PLCB1: variants seen among roughly 807,000 people sequenced by gnomAD.
PLCB1 encodes phospholipase C beta 1, also known as 1-phosphatidylinositol 4,5-bisphosphate phosphodiesterase beta-1.
Under a neutral mutation model 161.8 loss-of-function variants are expected in PLCB1, and 46 were observed. The observed-to-expected ratio is 0.28, with a 90% CI of 0.22 to 0.36. PLCB1 has a LOEUF of 0.36. Ranked by LOEUF, PLCB1 falls within the 10% of genes least tolerant of loss-of-function variation. The pLI, the probability that PLCB1 is intolerant of heterozygous loss-of-function variation, is 1.00. For missense variants in PLCB1, 1,016 were observed against 1,472.5 expected, an observed-to-expected ratio of 0.69 and a Z score of 5.07; for synonymous variants, 517 against 503.7, an observed-to-expected ratio of 1.03 and a Z score of -0.35.
intron 3 of PLCB1, among the ~76,000 whole-genome samples, chr20:8,554,995 A>AT (rs886859541): frequency 5.9e-5 from 9 of 152,020 alleles, no homozygotes; most frequent in African/African-American, 2.2e-4. Context: ...TAAAATAAAG[A>AT]TTTTTTTGGG....
chr20:8,206,808 T>C (rs560219342), intron 2 of PLCB1, among the ~76,000 whole-genome samples: 1 of 152,142 alleles, frequency 6.6e-6, no homozygotes, highest in South Asian at 2.1e-4. Context: ...GTCATTATAG[T>C]ATTTTCAGGA....
chr20:8,643,779 T>TCTCCCTCTCCCTCTC (rs1600220170), intron 4 of PLCB1, among the ~76,000 whole-genome samples: 4 of 54,884 alleles, frequency 7.3e-5, no homozygotes, highest in Non-Finnish European at 1.2e-4. Context: ...CTCTCCCTCT[T>TCTCCCTCTCCCTCTC]TCTCCCTCTC....
chr20:8,329,362 C>A (rs1034127960), intron 2 of PLCB1, among the ~76,000 whole-genome samples: 2 of 150,704 alleles, frequency 1.3e-5, no homozygotes, highest in Admixed American at 1.3e-4. Context: ...CTGTGTCACC[C>A]AGTCTGGAGT....
intron 2 of PLCB1, among the ~76,000 whole-genome samples, chr20:8,243,204 C>T (rs1009242619): frequency 1.3e-5 from 2 of 151,976 alleles, no homozygotes; most frequent in African/African-American, 4.8e-5. Flanking sequence ...AGGGAAAACT[C>T]TAGAAGCAAG....
chr20:8,540,931 C>T (rs1212096433), intron 3 of PLCB1, among the ~76,000 whole-genome samples: 2 of 151,982 alleles, frequency 1.3e-5, no homozygotes, highest in African/African-American at 4.8e-5. Flanking sequence ...CTAATTTTTC[C>T]ACTGCTATGC....
intron 2 of PLCB1, among the ~76,000 whole-genome samples, chr20:8,151,180 T>A (rs543832611): frequency 7.0e-4 from 107 of 152,318 alleles, no homozygotes; most frequent in African/African-American, 2.4e-3. Context: ...TAGGGTTTAC[T>A]GAGAATGCTA....
At chr20:8,447,655 A>G (rs563363207) in intron 3 of PLCB1, among the ~76,000 whole-genome samples, 3 of 152,284 alleles carry the variant, frequency 2.0e-5, no homozygotes, top group Admixed American at 2.0e-4. Context: ...AGAGGAATAT[A>G]ATTTGGTCCA....
chr20:8,408,764 C>G (rs1201426537), intron 3 of PLCB1, among the ~76,000 whole-genome samples: 2 of 152,188 alleles, frequency 1.3e-5, no homozygotes, highest in African/African-American at 4.8e-5. Context: ...AGCTGTGCCA[C>G]TGCCCAGCTG....
At chr20:8,260,636 A>C (rs1397040555) in intron 2 of PLCB1, among the ~76,000 whole-genome samples, 2 of 152,128 alleles carry the variant, frequency 1.3e-5, no homozygotes, top group African/African-American at 4.8e-5. Flanking sequence ...ATCCTAGCTT[A>C]GATAAGCTAG....
At chr20:8,203,684 T>C (rs1978366176) in intron 2 of PLCB1, among the ~76,000 whole-genome samples, 1 of 152,146 alleles carries the variant, frequency 6.6e-6, no homozygotes, top group African/African-American at 2.4e-5. Context: ...TCTATTGTCT[T>C]GCTGAAGAAT....
chr20:8,844,605 G>C (rs1986623141), intron 31 of PLCB1, among the ~76,000 whole-genome samples: 1 of 151,940 alleles, frequency 6.6e-6, no homozygotes, highest in South Asian at 2.1e-4. Flanking sequence ...GGAGGGGAAA[G>C]GTGTGGTGCC....
intron 2 of PLCB1, among the ~76,000 whole-genome samples, chr20:8,341,499 C>T (rs111843288): frequency 2.6e-5 from 4 of 152,226 alleles, no homozygotes; most frequent in Non-Finnish European, 2.9e-5. Flanking sequence ...TCTGGGACAC[C>T]GGATTTGCTG....
intron 20 of PLCB1, among the ~76,000 whole-genome samples, chr20:8,738,008 G>C (rs935067831): frequency 2.0e-5 from 3 of 152,082 alleles, no homozygotes; most frequent in Non-Finnish European, 4.4e-5. Context: ...TGCTGTTTTT[G>C]TAAACAATAC....
chr20:8,241,978 C>T (rs6118133), intron 2 of PLCB1, among the ~76,000 whole-genome samples: 5,927 of 151,982 alleles, frequency 0.039, 401 homozygotes, highest in African/African-American at 0.13. Flanking sequence ...AAGAACAGAG[C>T]TCTGTTCAAC....
At chr20:8,270,686 T>G (rs943018526) in intron 2 of PLCB1, among the ~76,000 whole-genome samples, 6 of 152,142 alleles carry the variant, frequency 3.9e-5, no homozygotes, top group Non-Finnish European at 7.4e-5. Flanking sequence ...AAGATGAAGA[T>G]CTTAAGTTTT....
chr20:8,785,868 G>A (rs1983458638), intron 27 of PLCB1, among the ~76,000 whole-genome samples: 1 of 152,178 alleles, frequency 6.6e-6, no homozygotes, highest in Non-Finnish European at 1.5e-5. Context: ...TGATAGAGAT[G>A]AGGACATGGA....
At chr20:8,667,336 CA>C (rs1263655466) in intron 9 of PLCB1, among the ~76,000 whole-genome samples, 1 of 152,156 alleles carries the variant, frequency 6.6e-6, no homozygotes, top group Non-Finnish European at 1.5e-5. Flanking sequence ...GAGTGCATTC[CA>C]AGTTCTTCTT....
chr20:8,801,210 A>T (rs1799304983), intron 31 of PLCB1, among the ~76,000 whole-genome samples: 1 of 152,072 alleles, frequency 6.6e-6, no homozygotes, highest in Admixed American at 6.5e-5. Flanking sequence ...ACCTTGAGCC[A>T]TTGTTTCCTC....
At chr20:8,220,974 GATT>G (rs2123162908) in intron 2 of PLCB1, among the ~76,000 whole-genome samples, 1 of 152,214 alleles carries the variant, frequency 6.6e-6, no homozygotes, top group South Asian at 2.1e-4. Flanking sequence ...ACACAGATGA[GATT>G]ATGGTTTCAT....
Sources: allele counts gnomAD v4.1 joint callset (sites outside exome capture counted in the v4.1 genomes callset), GRCh38; gene constraint gnomAD v4.1.1; transcripts MANE v1.5; gene names NCBI Gene and HGNC (gene_info 2026-07-23, HGNC 2026-07-21).